Variants in TACC2 observed in about 807,000 individuals in gnomAD.
TACC2 encodes the protein transforming acidic coiled-coil-containing protein 2.
A neutral mutation model predicts 227.3 loss-of-function variants in TACC2; 137 were observed. That is an observed-to-expected ratio of 0.60 (90% CI 0.52 to 0.69). TACC2 has a LOEUF of 0.69. Among genes scored for constraint, TACC2 ranks in the 30% least tolerant of loss-of-function variants. The pLI, the probability that TACC2 is intolerant of heterozygous loss-of-function variation, is 0.00. For missense variants in TACC2, 3,470 were observed against 3,694.4 expected (o/e 0.94, Z 1.57); for synonymous variants, 1,523 against 1,487.5 (o/e 1.02, Z -0.55).
rs1187493690 is a variant in TACC2, at chr10:122,088,533, C to G, written c.5515C>G (p.Pro1839Ala). ...MLPSVPKKDA[P>A]RVMDKVTSDE... is the part of the protein sequence containing the mutation. ...ACCTTCGGTTCCTAAGAAGGATGCT[C>G]CAAGAGTCATGGATAAAGTCACTTC... Residue 1839 changes from proline (P) to alanine (A), a missense_variant, in exon 5 of 23, where the codon CCA becomes GCA. Pro to Ala is a conservative substitution (Grantham distance 27, BLOSUM62 -1). This residue lies in a region of TACC2 where 1,924 missense variants were observed against 1,978.3 expected (regional missense o/e 0.97). Coordinates refer to ENST00000369005, the MANE Select transcript of TACC2 (RefSeq NM_206862.4). 2 of 1,613,708 alleles carry G rather than the reference C, an allele frequency of 1.2e-6. No homozygotes were observed. Among genetic ancestry groups the G allele is most frequent in the African/African-American group, 1.3e-5 (1 of 74,886 alleles).
chr10:122,219,264 C>T (rs1466062383), intron 11 of TACC2, among the ~76,000 whole-genome samples: 1 of 151,022 alleles, frequency 6.6e-6, no homozygotes, highest in African/African-American at 2.4e-5. Context: ...CACACCCTTT[C>T]CTTAGTGCTA....
intron 9 of TACC2, chr10:122,213,206 C>T (rs2095332515): frequency 3.6e-6 from 3 of 836,322 alleles, no homozygotes; most frequent in South Asian, 1.5e-5. Context: ...CCAGCAGCTC[C>T]TTCCAAAAAG....
intron 16 of TACC2, among the ~76,000 whole-genome samples, chr10:122,235,004 A>G (rs2095830037): frequency 6.6e-6 from 1 of 152,144 alleles, no homozygotes; most frequent in Non-Finnish European, 1.5e-5. Flanking sequence ...TCATTTTGAA[A>G]TTTTATTGCT....
chr10:122,017,746 G>A (rs1329032517), intron 1 of TACC2, among the ~76,000 whole-genome samples: 1 of 146,366 alleles, frequency 6.8e-6, no homozygotes, highest in Non-Finnish European at 1.5e-5. Context: ...GAACCCTAGA[G>A]GCAGAGGTTT....
intron 7 of TACC2, among the ~76,000 whole-genome samples, chr10:122,165,232 A>G (rs1018636549): frequency 9.2e-5 from 14 of 152,296 alleles, no homozygotes; most frequent in African/African-American, 2.2e-4. Flanking sequence ...TAGTGTTGCT[A>G]GGTGCATGGA....
intron 2 of TACC2, among the ~76,000 whole-genome samples, chr10:122,031,179 A>G (rs1162573711): frequency 1.3e-5 from 2 of 152,162 alleles, no homozygotes; most frequent in African/African-American, 2.4e-5. Flanking sequence ...GAAAGGGATC[A>G]TTGGCTTATA....
intron 3 of TACC2, among the ~76,000 whole-genome samples, chr10:122,071,886 CAAA>C (rs946551835): frequency 3.0e-5 from 2 of 66,822 alleles, no homozygotes; most frequent in Non-Finnish European, 3.0e-5. Flanking sequence ...GACTCTGTCT[CAAA>C]AAAAAAAAAA....
At chr10:122,224,442 C>T (rs1019682093) in intron 11 of TACC2, among the ~76,000 whole-genome samples, 2 of 152,212 alleles carry the variant, frequency 1.3e-5, no homozygotes, top group Admixed American at 1.3e-4. Context: ...TCTGGCCACA[C>T]TTGGGCTGTG....
At chr10:122,228,081 C>T in intron 14 of TACC2, 73 bp downstream of exon 14, 2 of 1,499,850 alleles carry the variant, frequency 1.3e-6, no homozygotes, top group African/African-American at 2.8e-5. Flanking sequence ...ACCAAGAAGG[C>T]CAGGCCTTCA....
intron 9 of TACC2, among the ~76,000 whole-genome samples, chr10:122,213,050 C>T (rs1348138637): frequency 1.3e-5 from 2 of 152,236 alleles, no homozygotes; most frequent in African/African-American, 4.8e-5. Context: ...TTAGAGCTAA[C>T]AGGGGTCAGG....
At chr10:122,107,809 A>C (rs2083007674) in intron 5 of TACC2, among the ~76,000 whole-genome samples, 1 of 148,472 alleles carries the variant, frequency 6.7e-6, no homozygotes, top group Non-Finnish European at 1.5e-5. Flanking sequence ...CCCAGTGTGT[A>C]GTCTATATCC....
intron 2 of TACC2, among the ~76,000 whole-genome samples, chr10:122,031,529 C>T (rs575672242): frequency 6.0e-4 from 91 of 151,278 alleles, no homozygotes; most frequent in African/African-American, 1.9e-3. Flanking sequence ...CTCAGCCTCC[C>T]GAGTAGCTGG....
chr10:121,992,304 G>A (rs1413294640), intron 1 of TACC2, among the ~76,000 whole-genome samples: 1 of 152,174 alleles, frequency 6.6e-6, no homozygotes, highest in Non-Finnish European at 1.5e-5. Context: ...GTGATGCTGA[G>A]AAAGTGAAAA....
intron 7 of TACC2, among the ~76,000 whole-genome samples, chr10:122,170,648 C>G (rs1453685983): frequency 6.6e-6 from 1 of 152,172 alleles, no homozygotes; most frequent in African/African-American, 2.4e-5. Context: ...TCTCTTCTTT[C>G]TAGAACGGTC....
intron 3 of TACC2, among the ~76,000 whole-genome samples, chr10:122,058,531 C>T (rs1218105687): frequency 6.6e-6 from 1 of 152,152 alleles, no homozygotes; most frequent in Non-Finnish European, 1.5e-5. Context: ...GCCTCAGCCT[C>T]CCAAGTACCT....
chr10:122,227,456 G>A (rs2095651383), intron 13 of TACC2, among the ~76,000 whole-genome samples: 1 of 152,200 alleles, frequency 6.6e-6, no homozygotes, highest in Non-Finnish European at 1.5e-5. Context: ...CAGGTGACAG[G>A]TACCACATTA....
intron 1 of TACC2, among the ~76,000 whole-genome samples, chr10:121,997,268 C>G (rs1302538198): frequency 6.6e-6 from 1 of 152,140 alleles, no homozygotes; most frequent in African/African-American, 2.4e-5. Context: ...ACTCCTGCTT[C>G]TCAGCAACCA....
intron 2 of TACC2, among the ~76,000 whole-genome samples, chr10:122,039,411 G>A (rs552209571): frequency 1.3e-5 from 2 of 152,258 alleles, no homozygotes; most frequent in Non-Finnish European, 2.9e-5. Context: ...GGTCTGTTCC[G>A]TGATGATCCT....
chr10:121,994,373 G>A (rs920535623), intron 1 of TACC2, among the ~76,000 whole-genome samples: 1 of 152,216 alleles, frequency 6.6e-6, no homozygotes, highest in Non-Finnish European at 1.5e-5. Context: ...GCCCAAGGTA[G>A]TTGACACTGG....
Sources: allele counts gnomAD v4.1 joint callset (sites outside exome capture counted in the v4.1 genomes callset), GRCh38; gene constraint gnomAD v4.1.1; regional missense constraint gnomAD v4.1.1; transcripts MANE v1.5; gene names NCBI Gene and HGNC (gene_info 2026-07-23, HGNC 2026-07-21).